The following EYS variants were observed in gnomAD, a reference collection of about 807,000 sequenced individuals.
EYS encodes the protein EGF-like photoreceptor maintenance factor.
In EYS, 250 loss-of-function variants were observed where a neutral mutation model predicts 282.1. The ratio of observed to expected loss-of-function variants is 0.89; its 90% CI spans 0.80 to 0.98. The LOEUF is 0.98. EYS is among the 50% of genes least tolerant of loss of function. The probability of loss-of-function intolerance (pLI) is 0.00; values close to 1 mark genes in which losing one functional copy is unlikely to be tolerated. For missense variants in EYS, 4,016 were observed against 3,709.0 expected (o/e 1.08, Z -2.15); for synonymous variants, 1,355 against 1,282.9 (o/e 1.06, Z -1.20).
At chr6:64,116,135 G>A (rs1022440814) in intron 31 of EYS, among the ~76,000 whole-genome samples, 2 of 152,066 alleles carry the variant, frequency 1.3e-5, no homozygotes, top group Non-Finnish European at 2.9e-5. Flanking sequence ...GCAATGGAGA[G>A]CATCAACAGC....
chr6:64,065,882 TAAA>T (rs1050110785), intron 33 of EYS, among the ~76,000 whole-genome samples: 4 of 152,146 alleles, frequency 2.6e-5, no homozygotes, highest in Non-Finnish European at 4.4e-5. Flanking sequence ...AAAGCAAAAA[TAAA>T]AAAGTAAACA....
At chr6:64,323,902 T>C (rs936312715) in intron 29 of EYS, among the ~76,000 whole-genome samples, 3 of 152,168 alleles carry the variant, frequency 2.0e-5, no homozygotes, top group Non-Finnish European at 4.4e-5. Context: ...GCTGGCAAGT[T>C]GACTTTACAT....
At chr6:64,298,824 T>A (rs1233302038) in intron 30 of EYS, among the ~76,000 whole-genome samples, 1 of 151,896 alleles carries the variant, frequency 6.6e-6, no homozygotes, top group African/African-American at 2.4e-5. Context: ...AGATTAAAAC[T>A]GAAAGGATGG....
rs538777347 is a variant in EYS, at chr6:64,236,262, C to G, written c.6192-5438G>C. 3.9e-5 allele frequency among the ~76,000 whole-genome samples: 6 copies of G among 152,260 alleles called. No homozygotes were observed. The South Asian group carries it at 1.2e-3, about 32-fold the overall frequency. ...GGCTGGGATTACGGGCGTGAGCAAC[C>G]GTACCTGGCCCCTTTATTCATTTTT... On this transcript the variant is annotated intron_variant, in intron 30 of 42. Transcript: ENST00000503581.
chr6:64,149,375 G>A (rs903881923), intron 31 of EYS, among the ~76,000 whole-genome samples: 3 of 152,154 alleles, frequency 2.0e-5, no homozygotes, highest in Non-Finnish European at 4.4e-5. Flanking sequence ...TAATAGAGAC[G>A]CGATGAAGAG....
At chr6:65,263,847 G>C (rs983004265) in intron 12 of EYS, among the ~76,000 whole-genome samples, 3 of 151,844 alleles carry the variant, frequency 2.0e-5, no homozygotes, top group African/African-American at 7.3e-5. Context: ...ACTTTAAGGT[G>C]CTATAATTGC....
chr6:64,149,481 G>A (rs960617880), intron 31 of EYS, among the ~76,000 whole-genome samples: 12 of 152,266 alleles, frequency 7.9e-5, no homozygotes, highest in East Asian at 7.7e-4. Flanking sequence ...AGATGGGCAC[G>A]AAGATTTTGC....
At chr6:65,607,697 A>G (rs1235929117) in intron 2 of EYS, among the ~76,000 whole-genome samples, 1 of 151,970 alleles carries the variant, frequency 6.6e-6, no homozygotes, top group African/African-American at 2.4e-5. Flanking sequence ...TGTGCTTTAA[A>G]GTCCATTATC....
At chr6:63,780,688 T>C (rs995031125) in intron 39 of EYS, among the ~76,000 whole-genome samples, 2 of 152,160 alleles carry the variant, frequency 1.3e-5, no homozygotes, top group Non-Finnish European at 2.9e-5. Context: ...TTTTCTCCCA[T>C]TCTGTAGGTT....
intron 35 of EYS, among the ~76,000 whole-genome samples, chr6:63,878,096 A>G (rs994447238): frequency 1.1e-4 from 16 of 152,210 alleles, no homozygotes; most frequent in African/African-American, 3.9e-4. Flanking sequence ...GTTTCTCCCT[A>G]TCTTTGTGGT....
intron 22 of EYS, among the ~76,000 whole-genome samples, chr6:64,809,739 A>G (rs772388488): frequency 1.3e-5 from 2 of 152,076 alleles, no homozygotes; most frequent in African/African-American, 2.4e-5. Flanking sequence ...ACCAAACACC[A>G]TACGTTCTCC....
chr6:65,624,341 A>G (rs1766621701), intron 2 of EYS, among the ~76,000 whole-genome samples: 1 of 152,150 alleles, frequency 6.6e-6, no homozygotes, highest in African/African-American at 2.4e-5. Flanking sequence ...GTCAGCTTAC[A>G]TGCTAAAAGA....
intron 26 of EYS, among the ~76,000 whole-genome samples, chr6:64,461,728 T>C (rs1406919126): frequency 6.6e-6 from 1 of 152,198 alleles, no homozygotes; most frequent in East Asian, 1.9e-4. Context: ...TCAGAAGACC[T>C]AGTTTGAATG....
At chr6:64,235,537 C>T (rs1359172719) in intron 30 of EYS, among the ~76,000 whole-genome samples, 1 of 152,030 alleles carries the variant, frequency 6.6e-6, no homozygotes, top group Non-Finnish European at 1.5e-5. Context: ...GTGAATAGTG[C>T]TGCAAAAAAT....
At chr6:65,276,804 C>T (rs1768060109) in intron 12 of EYS, among the ~76,000 whole-genome samples, 1 of 152,082 alleles carries the variant, frequency 6.6e-6, no homozygotes, top group South Asian at 2.1e-4. Context: ...TCCTAGGTCA[C>T]AGCCAGCTGT....
chr6:65,285,303 A>C (rs1256568472), intron 12 of EYS, among the ~76,000 whole-genome samples: 1 of 151,962 alleles, frequency 6.6e-6, no homozygotes, highest in Admixed American at 6.6e-5. Context: ...TTTTCCATGG[A>C]ATTTAAATTA....
At chr6:64,232,264 T>C (rs1766444775) in intron 30 of EYS, among the ~76,000 whole-genome samples, 1 of 152,180 alleles carries the variant, frequency 6.6e-6, no homozygotes, top group African/African-American at 2.4e-5. Flanking sequence ...ATGACTTCTG[T>C]GCTTTTCTTC....
chr6:65,110,264 T>A lies in EYS; in HGVS notation c.2024-52537A>T, dbSNP rs528531680. 6.6e-5 allele frequency among the ~76,000 whole-genome samples: 10 copies of A among 152,314 alleles called. No homozygotes were observed. In the East Asian group the frequency reaches 1.9e-3, roughly 29 times the overall value. ...CATTCATTAATCATTTAATGACCCGTAACTATGTTCCAGTAGTTGTTAAAT... is the reference window on the plus strand; with the variant it reads ...CATTCATTAATCATTTAATGACCCGAAACTATGTTCCAGTAGTTGTTAAAT... On this transcript the variant is annotated intron_variant, in intron 12 of 42. Transcript: ENST00000503581.
chr6:64,403,510 C>T (rs989096722), intron 28 of EYS, among the ~76,000 whole-genome samples: 1 of 152,050 alleles, frequency 6.6e-6, no homozygotes, highest in Non-Finnish European at 1.5e-5. Flanking sequence ...GCATGTGGCA[C>T]CACGCCCGGC....
Sources: allele counts gnomAD v4.1 joint callset (sites outside exome capture counted in the v4.1 genomes callset), GRCh38; gene constraint gnomAD v4.1.1; transcripts MANE v1.5; gene names NCBI Gene and HGNC (gene_info 2026-07-23, HGNC 2026-07-21).